The following AHRR variants were observed in gnomAD, a reference collection of about 807,000 sequenced individuals.
The protein encoded by AHRR is ahR repressor.
In AHRR, 28 loss-of-function variants were observed where a neutral mutation model predicts 44.0. The observed-to-expected ratio is 0.64, with a 90% confidence interval of 0.47 to 0.87. The LOEUF (loss-of-function observed/expected upper bound fraction) is 0.87. Among genes scored for constraint, AHRR ranks in the 40% least tolerant of loss-of-function variants. AHRR has a pLI of 0.00. For missense variants in AHRR, 990 were observed against 953.9 expected (o/e 1.04, Z -0.50); for synonymous variants, 434 against 407.0 (o/e 1.07, Z -0.80).
chr5:371,891 C>T (rs1024392183), intron 3 of AHRR, among the ~76,000 whole-genome samples: 2 of 152,250 alleles, frequency 1.3e-5, no homozygotes, highest in South Asian at 2.1e-4. Flanking sequence ...TGCTTAGGGT[C>T]GATGTGCCTG....
At chr5:367,311 G>A (rs568902286) in intron 3 of AHRR, among the ~76,000 whole-genome samples, 5 of 152,328 alleles carry the variant, frequency 3.3e-5, no homozygotes, top group East Asian at 3.9e-4. Flanking sequence ...GGACAGCATC[G>A]TGTGCATTTG....
intron 5 of AHRR, chr5:421,119 C>G (rs111845718): frequency 3.6e-6 from 2 of 551,466 alleles, no homozygotes; most frequent in Non-Finnish European, 6.4e-6. Flanking sequence ...GCGGCTGGAG[C>G]GTTCGCGCCT....
At chr5:333,467 A>ACTGTGTTGT (rs1742007684) in intron 1 of AHRR, among the ~76,000 whole-genome samples, 1 of 152,086 alleles carries the variant, frequency 6.6e-6, no homozygotes, top group African/African-American at 2.4e-5. Context: ...GTGGTGGTGG[A>ACTGTGTTGT]GGGCTATAGT....
chr5:369,465 C>T (rs1743489896), intron 3 of AHRR, among the ~76,000 whole-genome samples: 1 of 152,244 alleles, frequency 6.6e-6, no homozygotes, highest in African/African-American at 2.4e-5. Flanking sequence ...TGCAGATGAA[C>T]AGACCTACAG....
At chr5:415,890 A>C (rs1459958418) in intron 5 of AHRR, among the ~76,000 whole-genome samples, 1 of 151,354 alleles carries the variant, frequency 6.6e-6, no homozygotes, top group African/African-American at 2.4e-5. Flanking sequence ...CCACAGCTGA[A>C]ATTGCTGCTG....
intron 4 of AHRR, among the ~76,000 whole-genome samples, chr5:396,319 C>G (rs529150371): frequency 2.6e-4 from 40 of 152,290 alleles, no homozygotes; most frequent in East Asian, 9.7e-4. Context: ...CCCACACCCC[C>G]CTTTGTCCCT....
In AHRR at chr5:404,804, C is replaced by T. The variant is rs1313915980; in HGVS notation, c.352-8540C>T. On this transcript the variant is annotated intron_variant, in intron 4 of 10. Coordinates refer to ENST00000684583, the MANE Select transcript of AHRR (RefSeq NM_001377236.1). This position sits in a 1 kb window ranked among gnomAD's most constrained non-coding sequence, Gnocchi z 4.1. ...GTTTTTAGGTGAAAATCGGAGGTGGCGCAGGACATGGTGAGATGATTATCC... is the reference window on the plus strand; with the variant it reads ...GTTTTTAGGTGAAAATCGGAGGTGGTGCAGGACATGGTGAGATGATTATCC... 7.9e-5 allele frequency among the ~76,000 whole-genome samples: 12 copies of T among 152,080 alleles called. No individual in the cohort carries two copies. Among genetic ancestry groups the T allele is most frequent in the Admixed American group, 7.9e-4 (12 of 15,262 alleles).
At chr5:362,550 A>G (rs996007608) in intron 3 of AHRR, among the ~76,000 whole-genome samples, 3 of 152,130 alleles carry the variant, frequency 2.0e-5, no homozygotes, top group African/African-American at 7.2e-5. Context: ...TTTCCTGCAA[A>G]GACTCACAAG....
chr5:328,574 G>A (rs1256211851), intron 1 of AHRR, among the ~76,000 whole-genome samples: 1 of 152,054 alleles, frequency 6.6e-6, no homozygotes, highest in Non-Finnish European at 1.5e-5. Context: ...TAGCCATTCT[G>A]ACTGGTGTAA....
At chr5:431,439 G>C (rs572886960) in intron 8 of AHRR, among the ~76,000 whole-genome samples, 1 of 152,340 alleles carries the variant, frequency 6.6e-6, no homozygotes, top group South Asian at 2.1e-4. Context: ...TCCCCACCCT[G>C]CTCTGAGCTG....
chr5:403,813 C>T (rs569563399), intron 4 of AHRR: 104 of 1,533,516 alleles, frequency 6.8e-5, no homozygotes, highest in African/African-American at 1.2e-4. Context: ...TTGAGTTTCT[C>T]GATATGCCTT....
rs946817425 is a variant in AHRR at position 406,060 on chromosome 5, G to C, written c.352-7284G>C. ...AACGCTCTACAGCCACCCGAAAAAG[G>C]TAGAAATTCTGCAACAAAATTAACT... On this transcript the variant is annotated intron_variant, in intron 4 of 10. Transcript: ENST00000684583. The surrounding 1 kb of genome is among the most constrained non-coding windows in gnomAD (Gnocchi z 4.7). Among the ~76,000 whole-genome samples, 22 of 152,196 alleles carry C rather than the reference G, an allele frequency of 1.4e-4. No homozygotes were observed. The highest frequency in any genetic ancestry group is 5.3e-4 in the African/African-American group (22 of 41,446).
chr5:431,735 C>T (rs1010010674), intron 8 of AHRR, among the ~76,000 whole-genome samples: 1 of 152,200 alleles, frequency 6.6e-6, no homozygotes, highest in Non-Finnish European at 1.5e-5. Context: ...TCTGTGAATT[C>T]CTCTGCTCGC....
intron 4 of AHRR, among the ~76,000 whole-genome samples, chr5:397,829 TCCATGTTAGCCCCTGA>T (rs1298400952): frequency 5.8e-5 from 5 of 86,748 alleles, no homozygotes; most frequent in African/African-American, 2.0e-4. Flanking sequence ...CTCCTGACCG[TCCATGTTAGCCCCTGA>T]CCATGTTAGC....
At position 340,664 on chromosome 5, in the gene AHRR, T is replaced by TTATATATATATATATATA; in HGVS notation, c.-10-3221_-10-3204dup. ...GGACGCAATTATGTTCACAGCAATA[T>TTATATATATATATATATA]TATATATATATATATATATATATAT... is the stretch of plus-strand genomic sequence containing the variant. On this transcript the variant is annotated intron_variant, in intron 1 of 10. Coordinates refer to ENST00000684583, the MANE Select transcript of AHRR (RefSeq NM_001377236.1). Among the ~76,000 whole-genome samples the TTATATATATATATATATA allele has an allele frequency of 4.7e-4, 15 of 31,954 alleles. 1 individual carries two copies. The highest frequency in any genetic ancestry group is 8.8e-4 in the African/African-American group (4 of 4,528). The allele number at this position is 31,954 out of a possible 152,430, so 21.0% of individuals were successfully genotyped here.
chr5:421,308 C>A, intron 5 of AHRR: 1 of 696,932 alleles, frequency 1.4e-6, no homozygotes, highest in Non-Finnish European at 2.6e-6. Flanking sequence ...TGCAGGTGCC[C>A]CCACGGTCGC....
chr5:403,507 A>G (rs565607030), intron 4 of AHRR, among the ~76,000 whole-genome samples: 143 of 152,130 alleles, frequency 9.4e-4, no homozygotes, highest in Middle Eastern at 3.4e-3. Flanking sequence ...GTGGTGGCGC[A>G]TGCCTGTAAT....
chr5:380,387 T>G (rs1239736458), intron 4 of AHRR, among the ~76,000 whole-genome samples: 1 of 152,212 alleles, frequency 6.6e-6, no homozygotes, highest in Non-Finnish European at 1.5e-5. Context: ...GGATTTTGAT[T>G]GAGATTGTGA....
At chr5:364,967 T>C in intron 3 of AHRR, among the ~76,000 whole-genome samples, 1 of 152,122 alleles carries the variant, frequency 6.6e-6, no homozygotes. Flanking sequence ...AATTTTATTC[T>C]TTCCATAACA....
Sources: gnomAD v4.1 joint callset for allele counts (sites outside exome capture counted in the v4.1 genomes callset) on GRCh38, gnomAD v4.1.1 for gene constraint, Gnocchi (gnomAD v3.1) non-coding constraint, MANE v1.5 for transcripts, NCBI Gene and HGNC (gene_info 2026-07-23, HGNC 2026-07-21) for gene names.